The following SH3GLB2 variants were observed in gnomAD, a reference collection of about 807,000 sequenced individuals.
SH3GLB2 encodes endophilin-B2.
SH3GLB2 carries 24 observed loss-of-function variants against 48.0 expected under a neutral mutation model. The observed-to-expected ratio is 0.50, with a 90% CI of 0.36 to 0.70. SH3GLB2 has a LOEUF of 0.70. Ranked by LOEUF, SH3GLB2 falls within the 30% of genes least tolerant of loss-of-function variation. The pLI is 0.00. For missense variants in SH3GLB2, 425 were observed against 516.0 expected (o/e 0.82, Z 1.71); for synonymous variants, 227 against 207.6 (o/e 1.09, Z -0.80).
rs1843141739 is a variant in SH3GLB2 at position 129,011,849 on chromosome 9, G to C, written c.624+387C>G. ...TGTCTTTAGGGGTCTGTGAACTCCA[G>C]AAAGGCACGGCCAGGCCTCCTCCTC... On this transcript the variant is annotated intron_variant, in intron 6 of 10. Coordinates refer to ENST00000372564, the MANE Select transcript of SH3GLB2 (RefSeq NM_020145.4). This position sits in a 1 kb window ranked among gnomAD's most constrained non-coding sequence, Gnocchi z 4.5. The C allele has an allele frequency of 5.0e-6, 1 of 200,280 alleles. No individual in the cohort carries two copies. The highest frequency in any genetic ancestry group is 1.0e-5 in the Non-Finnish European group (1 of 99,964). The allele number at this position is 200,280 out of a possible 1,614,324, so 12.4% of individuals were successfully genotyped here.
chr9:129,012,853 C>T, intron 5 of SH3GLB2: 1 of 882,364 alleles, frequency 1.1e-6, no homozygotes, highest in Non-Finnish European at 1.7e-6. Context: ...CTGGCATCCC[C>T]CCCTAAACCA....
rs1844288754 is a variant in SH3GLB2, at chr9:129,028,283, T to TGCCC, written c.-133_-130dup. On this transcript the variant is annotated 5_prime_UTR_variant, in exon 1 of 11. Transcript: ENST00000372564. Reference sequence around the variant, plus strand: ...CCCTCCGCGCACCCGCCTGCCGGCCTGCCCGCCTGCCCGCCCGCCGCAGCC... The same window carrying TGCCC: ...CCCTCCGCGCACCCGCCTGCCGGCCTGCCCGCCCGCCTGCCCGCCCGCCGCAGCC... The TGCCC allele has an allele frequency of 2.1e-6, 1 of 474,428 alleles. No individual in the cohort carries two copies. The highest frequency in any genetic ancestry group is 2.1e-5 in the African/African-American group (1 of 46,568). 29.4% of individuals were successfully genotyped at this position (474,428 alleles called of 1,614,324 possible).
chr9:129,027,964 T>C (rs1267718004), intron 1 of SH3GLB2, 128 bp downstream of exon 1: 4 of 846,212 alleles, frequency 4.7e-6, no homozygotes, highest in Non-Finnish European at 6.7e-6. Flanking sequence ...GGGGCAGAGG[T>C]GTGCCGCGGC....
chr9:129,010,313 GA>G, intron 7 of SH3GLB2, 104 bp from the exon 8 acceptor site: 1 of 938,480 alleles, frequency 1.1e-6, no homozygotes, highest in Admixed American at 2.1e-5. Context: ...TTTCCCCTGG[GA>G]ACACAGAGAG....
intron 1 of SH3GLB2, among the ~76,000 whole-genome samples, chr9:129,024,318 T>C (rs940845500): frequency 6.6e-6 from 1 of 150,936 alleles, no homozygotes; most frequent in Non-Finnish European, 1.5e-5. Context: ...TCCCAGCACT[T>C]TGGGAGGCCA....
In SH3GLB2 at chr9:129,009,567, CAG is replaced by C. The variant is rs1842980080; in HGVS notation, c.839+202_839+203del. The C allele has an allele frequency of 9.1e-6, 14 of 1,537,338 alleles. No homozygotes were observed. The South Asian group carries it at 1.1e-4, about 12-fold the overall frequency. On this transcript the variant is annotated intron_variant, in intron 9 of 10. Coordinates refer to ENST00000372564, the MANE Select transcript of SH3GLB2 (RefSeq NM_020145.4). ...CACCCAGGCATTCCCTAGAAACCCT[CAG>C]GGGCTCCAGGGGACTTGGCCGTCAG...
At chr9:129,020,945 T>G (rs1843753742) in intron 3 of SH3GLB2, 146 bp downstream of exon 3, 1 of 1,036,298 alleles carries the variant, frequency 9.6e-7, no homozygotes, top group Non-Finnish European at 1.3e-6. Flanking sequence ...TTTTTACTCT[T>G]TTTTTCTGCG....
chr9:129,024,549 T>C (rs1844024244), intron 1 of SH3GLB2, among the ~76,000 whole-genome samples: 1 of 134,076 alleles, frequency 7.5e-6, no homozygotes, highest in Non-Finnish European at 1.6e-5. Flanking sequence ...AGAGTGCGAC[T>C]CAGTCTCAAA....
intron 1 of SH3GLB2, among the ~76,000 whole-genome samples, chr9:129,024,969 CA>C (rs1314613758): frequency 0.039 from 4,816 of 124,204 alleles, 212 homozygotes; most frequent in African/African-American, 0.12. Context: ...GACTCCATCT[CA>C]AAAAAAAAAA....
intron 5 of SH3GLB2, chr9:129,013,886 T>G: frequency 5.4e-6 from 2 of 370,478 alleles, no homozygotes; most frequent in Non-Finnish European, 1.1e-5. Context: ...CAGGCCTCAG[T>G]GAGCTGGGAG....
Position 129,008,550 on chromosome 9 carries a change from C to T in SH3GLB2, c.*134G>A. The T allele has an allele frequency of 2.9e-6, 2 of 687,222 alleles. No homozygotes were observed. The highest frequency in any genetic ancestry group is 2.5e-6 in the Non-Finnish European group (1 of 393,338). The allele number at this position is 687,222 out of a possible 1,614,324, so 42.6% of individuals were successfully genotyped here. The stretch of plus-strand genomic sequence containing the variant: ...CTCAGGCACCCTCACAGCTAGGTGA[C>T]TAGGGGCAGGGACAGAATGGGGTGA... On this transcript the variant is annotated 3_prime_UTR_variant, in exon 11 of 11. Coordinates refer to ENST00000372564, the MANE Select transcript of SH3GLB2 (RefSeq NM_020145.4).
In SH3GLB2 at chr9:129,009,875, C is replaced by G; in HGVS notation, c.739-4G>C. On this transcript the variant is annotated splice_polypyrimidine_tract_variant and splice_region_variant and intron_variant, in intron 8 of 10. Coordinates refer to ENST00000372564, the MANE Select transcript of SH3GLB2 (RefSeq NM_020145.4). ...GGAGGCAGCGCAGGTGGTTCACCTGCGGGGAAGAGGCCAGAGGCTGACTTC... is the reference window on the plus strand; with the variant it reads ...GGAGGCAGCGCAGGTGGTTCACCTGGGGGGAAGAGGCCAGAGGCTGACTTC... 1 of 1,612,524 alleles carries G rather than the reference C, an allele frequency of 6.2e-7. No individual in the cohort carries two copies.
rs1004666107 is a variant in SH3GLB2, at chr9:129,007,495, A to G, written c.*1189T>C. 1 of 152,060 alleles carries G rather than the reference A, an allele frequency of 6.6e-6. No homozygotes were observed. Among genetic ancestry groups the G allele is most frequent in the Non-Finnish European group, 1.5e-5 (1 of 68,002 alleles). 9.4% of individuals were successfully genotyped at this position (152,060 alleles called of 1,614,324 possible). ...TTGGCCTTCTCAGGACTGAAGTCAG[A>G]ATGCTAGGTCCTGCTAGGGGCCATC... On this transcript the variant is annotated 3_prime_UTR_variant, in exon 11 of 11. Coordinates refer to ENST00000372564, the MANE Select transcript of SH3GLB2 (RefSeq NM_020145.4).
At chr9:129,019,206 C>T (rs1328091626) in intron 3 of SH3GLB2, among the ~76,000 whole-genome samples, 2 of 151,388 alleles carry the variant, frequency 1.3e-5, no homozygotes, top group East Asian at 1.9e-4. Context: ...GGCAACATAG[C>T]GAGATCCCCA....
chr9:129,018,112 A>G (rs763453833), intron 3 of SH3GLB2, among the ~76,000 whole-genome samples: 2 of 152,054 alleles, frequency 1.3e-5, no homozygotes, highest in African/African-American at 2.4e-5. Context: ...TAATACTAAC[A>G]TAGCACGACA....
At chr9:129,024,017 GAGAGCCCCTGCCTGGAGA>G (rs1843981652) in intron 1 of SH3GLB2, among the ~76,000 whole-genome samples, 1 of 152,202 alleles carries the variant, frequency 6.6e-6, no homozygotes, top group Admixed American at 6.5e-5. Flanking sequence ...TTCTGGACCT[GAGAGCCCCTGCCTGGAGA>G]ATGCAGATAA....
At chr9:129,018,805 T>C (rs1293038576) in intron 3 of SH3GLB2, among the ~76,000 whole-genome samples, 1 of 148,536 alleles carries the variant, frequency 6.7e-6, no homozygotes, top group African/African-American at 2.5e-5. Flanking sequence ...GGCAGGAGAA[T>C]GGCATGAACC....
rs545809613 is a variant in SH3GLB2 at position 129,010,294 on chromosome 9, G to A, written c.649-85C>T. The A allele has an allele frequency of 1.2e-4, 142 of 1,158,176 alleles. No homozygotes were observed. The African/African-American group carries it at 1.5e-3, about 12-fold the overall frequency. The allele number at this position is 1,158,176 out of a possible 1,614,324, so 71.7% of individuals were successfully genotyped here. On this transcript the variant is annotated intron_variant, in intron 7 of 10. Transcript: ENST00000372564. ...TTCTCCTGGAGCCTACCTGGGAGCCGCCTGTCCCTTTCCCCTGGGAACACA... is the reference window on the plus strand; with the variant it reads ...TTCTCCTGGAGCCTACCTGGGAGCCACCTGTCCCTTTCCCCTGGGAACACA...
At chr9:129,008,836 G>A in intron 10 of SH3GLB2, 45 bp from the exon 11 acceptor site, 1 of 1,563,706 alleles carries the variant, frequency 6.4e-7, no homozygotes, top group Non-Finnish European at 8.8e-7. Flanking sequence ...GGCCAAGGGT[G>A]GAACTGGCCC....
Sources: allele counts gnomAD v4.1 joint callset (sites outside exome capture counted in the v4.1 genomes callset), GRCh38; gene constraint gnomAD v4.1.1; non-coding constraint Gnocchi (gnomAD v3.1); transcripts MANE v1.5; gene names NCBI Gene and HGNC (gene_info 2026-07-23, HGNC 2026-07-21).